OLA1: variants seen among roughly 807,000 people sequenced by gnomAD.
OLA1 encodes Obg like ATPase 1.
OLA1 carries 14 observed loss-of-function variants against 48.4 expected under a neutral mutation model. That is an observed-to-expected ratio of 0.29 (90% CI 0.19 to 0.45). The LOEUF (loss-of-function observed/expected upper bound fraction) is 0.45, where lower values mean the gene tolerates loss of function less well. OLA1 is among the 20% of genes least tolerant of loss of function. The probability of loss-of-function intolerance (pLI) is 1.00; values close to 1 mark genes in which losing one functional copy is unlikely to be tolerated. For synonymous variants in OLA1, 127 were observed against 150.4 expected, an observed-to-expected ratio of 0.84 and a Z score of 1.14; for missense variants, 325 against 467.1, an observed-to-expected ratio of 0.70 and a Z score of 2.80.
chr2:174,232,605 T>C (rs1417034996), intron 2 of OLA1, among the ~76,000 whole-genome samples: 1 of 152,052 alleles, frequency 6.6e-6, no homozygotes, highest in East Asian at 1.9e-4. Context: ...TAAAAAAATA[T>C]GAAAAGATGC....
intron 4 of OLA1, among the ~76,000 whole-genome samples, chr2:174,162,023 A>G (rs960198170): frequency 1.3e-5 from 2 of 152,188 alleles, no homozygotes; most frequent in African/African-American, 4.8e-5. Context: ...ATGATCCTAC[A>G]TGTAGAAGGC....
intron 7 of OLA1, among the ~76,000 whole-genome samples, chr2:174,085,623 C>T (rs1684957607): frequency 6.6e-6 from 1 of 152,140 alleles, no homozygotes; most frequent in Non-Finnish European, 1.5e-5. Flanking sequence ...TATCAAATTT[C>T]CAAAAGATCA....
chr2:174,083,021 A>AT (rs1684891909), intron 7 of OLA1, among the ~76,000 whole-genome samples: 1 of 152,146 alleles, frequency 6.6e-6, no homozygotes, highest in Admixed American at 6.5e-5. Context: ...AAGCCTGCAA[A>AT]TAGTAAAGAA....
At chr2:174,144,948 AAAAATATATAT>A (rs1558975189) in intron 4 of OLA1, among the ~76,000 whole-genome samples, 2 of 75,438 alleles carry the variant, frequency 2.7e-5, no homozygotes, top group South Asian at 5.9e-4. Flanking sequence ...AAAAAAAAAA[AAAAATATATAT>A]ATATATATAT....
At chr2:174,212,334 C>A (rs1322518506) in intron 4 of OLA1, among the ~76,000 whole-genome samples, 2 of 151,684 alleles carry the variant, frequency 1.3e-5, no homozygotes, top group African/African-American at 4.8e-5. Context: ...GTATAAAAGA[C>A]AAAAAAAATC....
chr2:174,091,621 C>T (rs987138082), intron 7 of OLA1, among the ~76,000 whole-genome samples: 6 of 152,086 alleles, frequency 3.9e-5, no homozygotes, highest in African/African-American at 1.4e-4. Context: ...TACGGTGGCT[C>T]ATGCCTGTAA....
chr2:174,203,948 C>A (rs896562739), intron 4 of OLA1, among the ~76,000 whole-genome samples: 4 of 151,832 alleles, frequency 2.6e-5, no homozygotes, highest in Non-Finnish European at 5.9e-5. Flanking sequence ...GTGTGCACCA[C>A]TGCGCCCAGC....
At chr2:174,153,646 T>C (rs1196647136) in intron 4 of OLA1, among the ~76,000 whole-genome samples, 1 of 152,222 alleles carries the variant, frequency 6.6e-6, no homozygotes, top group Non-Finnish European at 1.5e-5. Context: ...TTAAAAGTTA[T>C]GAATTATAAC....
intron 4 of OLA1, among the ~76,000 whole-genome samples, chr2:174,155,426 A>G: frequency 6.6e-6 from 1 of 152,234 alleles, no homozygotes; most frequent in East Asian, 1.9e-4. Flanking sequence ...ACACAATAAG[A>G]CATTTAGTGA....
chr2:174,086,246 G>C (rs1684973980), intron 7 of OLA1, among the ~76,000 whole-genome samples: 1 of 152,172 alleles, frequency 6.6e-6, no homozygotes, highest in Admixed American at 6.5e-5. Context: ...TTTGGAAGCA[G>C]GGAGGGGTAT....
At chr2:174,193,745 C>T (rs1240959448) in intron 4 of OLA1, among the ~76,000 whole-genome samples, 1 of 152,166 alleles carries the variant, frequency 6.6e-6, no homozygotes, top group Non-Finnish European at 1.5e-5. Flanking sequence ...CTTTCTTTTA[C>T]ACCAGGAATC....
intron 7 of OLA1, among the ~76,000 whole-genome samples, chr2:174,101,309 T>G (rs1419679234): frequency 6.6e-6 from 1 of 152,242 alleles, no homozygotes; most frequent in Non-Finnish European, 1.5e-5. Context: ...ATTTATCTTC[T>G]TTTATAAAGT....
At chr2:174,190,321 A>G (rs1240256020) in intron 4 of OLA1, among the ~76,000 whole-genome samples, 1 of 152,128 alleles carries the variant, frequency 6.6e-6, no homozygotes, top group Non-Finnish European at 1.5e-5. Flanking sequence ...TTTGTTTAGT[A>G]TTTCTCAGTA....
chr2:174,215,245 A>G (rs1292553543), intron 4 of OLA1, among the ~76,000 whole-genome samples: 5 of 152,224 alleles, frequency 3.3e-5, no homozygotes, highest in Non-Finnish European at 4.4e-5. Flanking sequence ...TTATGAATCT[A>G]TAAGCATGTT....
intron 4 of OLA1, among the ~76,000 whole-genome samples, chr2:174,152,614 T>C (rs991575921): frequency 1.3e-5 from 2 of 152,202 alleles, no homozygotes; most frequent in African/African-American, 2.4e-5. Flanking sequence ...AAAAGAGTCG[T>C]ATTAATCAGT....
At chr2:174,098,307 T>C (rs932547705) in intron 7 of OLA1, among the ~76,000 whole-genome samples, 2 of 152,362 alleles carry the variant, frequency 1.3e-5, no homozygotes, top group African/African-American at 4.8e-5. Context: ...GAAAGACTTA[T>C]TCTTTCTTAA....
At chr2:174,088,840 T>C (rs1420045525) in intron 7 of OLA1, among the ~76,000 whole-genome samples, 1 of 149,558 alleles carries the variant, frequency 6.7e-6, no homozygotes, top group African/African-American at 2.5e-5. Context: ...AGCACAATCA[T>C]ACTCCAGCCT....
At chr2:174,181,907 T>C (rs1400244214) in intron 4 of OLA1, among the ~76,000 whole-genome samples, 1 of 152,208 alleles carries the variant, frequency 6.6e-6, no homozygotes, top group Non-Finnish European at 1.5e-5. Flanking sequence ...AACACCTTGT[T>C]TATTGTCTAT....
chr2:174,215,334 T>G (rs1379551333), intron 4 of OLA1, among the ~76,000 whole-genome samples: 1 of 152,162 alleles, frequency 6.6e-6, no homozygotes, highest in Admixed American at 6.5e-5. Context: ...ACTCCTGAAC[T>G]TTACAAATAT....
Sources: allele counts gnomAD v4.1 joint callset (sites outside exome capture counted in the v4.1 genomes callset), GRCh38; gene constraint gnomAD v4.1.1; transcripts MANE v1.5; gene names NCBI Gene and HGNC (gene_info 2026-07-23, HGNC 2026-07-21).